The following IGF2BP2 variants were observed in gnomAD, a reference collection of about 807,000 sequenced individuals.
The protein encoded by IGF2BP2 is insulin like growth factor 2 mRNA binding protein 2.
In IGF2BP2, 17 loss-of-function variants were observed where a neutral mutation model predicts 75.8. The ratio of observed to expected loss-of-function variants is 0.22; its 90% CI spans 0.15 to 0.34. IGF2BP2 has a LOEUF of 0.34. Among genes scored for constraint, IGF2BP2 ranks in the 10% least tolerant of loss-of-function variants. The pLI is 1.00. For synonymous variants in IGF2BP2, 288 were observed against 295.6 expected (o/e 0.97, Z 0.26); for missense variants, 516 against 772.4 (o/e 0.67, Z 3.93).
chr3:185,824,647 G>T (rs1364758423), intron 1 of IGF2BP2, 136 bp downstream of exon 1: 1 of 484,846 alleles, frequency 2.1e-6, no homozygotes, highest in Non-Finnish European at 3.2e-6. Flanking sequence ...GAGAGTTGAG[G>T]GTCTGGTGCG....
At chr3:185,765,014 T>A (rs1732862875) in intron 2 of IGF2BP2, among the ~76,000 whole-genome samples, 1 of 152,208 alleles carries the variant, frequency 6.6e-6, no homozygotes, top group Non-Finnish European at 1.5e-5. Context: ...CTTCTTCCCT[T>A]TGCTAATTTT....
intron 2 of IGF2BP2, among the ~76,000 whole-genome samples, chr3:185,785,106 G>A (rs752991662): frequency 7.2e-5 from 11 of 152,032 alleles, no homozygotes; most frequent in Non-Finnish European, 1.5e-4. Context: ...TTCCAGACCA[G>A]CCTGTCCAAC....
At chr3:185,776,287 A>G (rs149531020) in intron 2 of IGF2BP2, among the ~76,000 whole-genome samples, 39 of 152,330 alleles carry the variant, frequency 2.6e-4, no homozygotes, top group Middle Eastern at 6.8e-3. Flanking sequence ...ACCCCAAGGT[A>G]GGCAAGGATA....
intron 2 of IGF2BP2, among the ~76,000 whole-genome samples, chr3:185,731,938 T>C (rs776893361): frequency 2.0e-5 from 3 of 151,678 alleles, no homozygotes; most frequent in African/African-American, 7.3e-5. Context: ...GCTGAGATCA[T>C]GCCACTGCAC....
At position 185,667,680 on chromosome 3, in the gene IGF2BP2, CATA is replaced by C. The variant is rs929592493; in HGVS notation, c.1200+4858_1200+4860del. ...TATTTAAAATGCATATACCCTTTGA[CATA>C]ATAATTCCAGTCTTAGAGAATTTAC... On this transcript the variant is annotated intron_variant, in intron 10 of 15. Coordinates refer to ENST00000382199, the MANE Select transcript of IGF2BP2 (RefSeq NM_006548.6). 5.3e-5 allele frequency among the ~76,000 whole-genome samples: 8 copies of C among 152,304 alleles called. No individual in the cohort carries two copies. In the South Asian group the frequency reaches 1.2e-3, roughly 24 times the overall value.
At chr3:185,758,392 G>A (rs1176378666) in intron 2 of IGF2BP2, among the ~76,000 whole-genome samples, 2 of 152,248 alleles carry the variant, frequency 1.3e-5, no homozygotes, top group Non-Finnish European at 1.5e-5. Context: ...GCTGGATTTA[G>A]CACTAGTTAT....
At chr3:185,652,055 C>A in intron 13 of IGF2BP2, 39 bp downstream of exon 13, 1 of 1,559,636 alleles carries the variant, frequency 6.4e-7, no homozygotes, top group Non-Finnish European at 8.8e-7. Context: ...CTGCTCTGTG[C>A]CCAGAGCCTG....
intron 2 of IGF2BP2, among the ~76,000 whole-genome samples, chr3:185,801,509 AAGTC>A (rs1738267068): frequency 6.6e-6 from 1 of 151,538 alleles, no homozygotes; most frequent in Non-Finnish European, 1.5e-5. Flanking sequence ...AAAAAAAAAA[AAGTC>A]AGGAAACAAC....
At chr3:185,744,555 C>G (rs1367822104) in intron 2 of IGF2BP2, among the ~76,000 whole-genome samples, 1 of 152,202 alleles carries the variant, frequency 6.6e-6, no homozygotes, top group African/African-American at 2.4e-5. Context: ...CACCTGTAAT[C>G]CCAGTACTGT....
At chr3:185,665,536 GAGGAGGAGGAGA>G (rs1560252265) in intron 10 of IGF2BP2, among the ~76,000 whole-genome samples, 125 of 135,972 alleles carry the variant, frequency 9.2e-4, no homozygotes, top group African/African-American at 3.0e-3. Flanking sequence ...GGAGGAGAAG[GAGGAGGAGGAGA>G]AGGAGGAGGA....
chr3:185,684,970 A>G (rs1319422935), intron 7 of IGF2BP2, among the ~76,000 whole-genome samples: 1 of 152,198 alleles, frequency 6.6e-6, no homozygotes, highest in Non-Finnish European at 1.5e-5. Flanking sequence ...TTGGCTCTAC[A>G]TGAAAACATA....
chr3:185,722,967 A>C (rs1726781876), intron 2 of IGF2BP2, among the ~76,000 whole-genome samples: 1 of 152,166 alleles, frequency 6.6e-6, no homozygotes, highest in South Asian at 2.1e-4. Context: ...GGCCATAAAA[A>C]CATGCTTTGT....
At chr3:185,703,482 G>A (rs539682663) in intron 2 of IGF2BP2, among the ~76,000 whole-genome samples, 2 of 152,162 alleles carry the variant, frequency 1.3e-5, no homozygotes, top group South Asian at 2.1e-4. Context: ...GAGGAACCTC[G>A]TGAAACTGAA....
At chr3:185,774,743 C>T (rs185391088) in intron 2 of IGF2BP2, among the ~76,000 whole-genome samples, 3 of 152,212 alleles carry the variant, frequency 2.0e-5, no homozygotes, top group African/African-American at 7.2e-5. Flanking sequence ...GTGGCTCACA[C>T]CTGTAATCCC....
At chr3:185,659,831 GT>G (rs1446108604) in intron 10 of IGF2BP2, among the ~76,000 whole-genome samples, 1 of 148,284 alleles carries the variant, frequency 6.7e-6, no homozygotes, top group Non-Finnish European at 1.5e-5. Flanking sequence ...TGTTTCACTC[GT>G]TGACTAGGCT....
chr3:185,665,452 G>A (rs545119856), intron 10 of IGF2BP2, among the ~76,000 whole-genome samples: 1,279 of 109,750 alleles, frequency 0.012, 107 homozygotes, highest in Non-Finnish European at 0.018. Flanking sequence ...GGAGGAGGAG[G>A]AGGAGAAGAA....
chr3:185,742,086 A>G (rs1403673023), intron 2 of IGF2BP2, among the ~76,000 whole-genome samples: 1 of 152,118 alleles, frequency 6.6e-6, no homozygotes, highest in Non-Finnish European at 1.5e-5. Context: ...TATTGGTAAA[A>G]TGTGCATATA....
At chr3:185,709,730 A>C (rs1724534815) in intron 2 of IGF2BP2, among the ~76,000 whole-genome samples, 1 of 152,228 alleles carries the variant, frequency 6.6e-6, no homozygotes, top group Non-Finnish European at 1.5e-5. Context: ...GGTTGGCCAA[A>C]TCACTTGCTC....
At chr3:185,673,504 G>A (rs998393862) in intron 9 of IGF2BP2, among the ~76,000 whole-genome samples, 1 of 152,102 alleles carries the variant, frequency 6.6e-6, no homozygotes, top group African/African-American at 2.4e-5. Context: ...CATCTTGCTT[G>A]CTTGCTTATC....
Sources: gnomAD v4.1 joint callset for allele counts (sites outside exome capture counted in the v4.1 genomes callset) on GRCh38, gnomAD v4.1.1 for gene constraint, MANE v1.5 for transcripts, NCBI Gene and HGNC (gene_info 2026-07-23, HGNC 2026-07-21) for gene names.